TMED5: variants seen among roughly 807,000 people sequenced by gnomAD.
TMED5 encodes the protein transmembrane emp24 domain-containing protein 5.
TMED5 carries 27 observed loss-of-function variants against 23.0 expected under a neutral mutation model. That is an observed-to-expected ratio of 1.17 (90% CI 0.86 to 1.62). The LOEUF is 1.62. Among genes scored for constraint, TMED5 ranks in the 40% most tolerant of loss-of-function variants. The pLI is 0.00. For synonymous variants in TMED5, 97 were observed against 100.8 expected (o/e 0.96, Z 0.23); for missense variants, 248 against 273.7 (o/e 0.91, Z 0.66).
intron 1 of TMED5, among the ~76,000 whole-genome samples, chr1:93,179,386 CAAT>C (rs1265815076): frequency 2.4e-5 from 3 of 125,940 alleles, no homozygotes; most frequent in Admixed American, 2.4e-4. Flanking sequence ...AAAAAAAAAA[CAAT>C]GACACGAGGG....
At chr1:93,175,110 A>G (rs1283690377) in intron 1 of TMED5, among the ~76,000 whole-genome samples, 1 of 145,176 alleles carries the variant, frequency 6.9e-6, no homozygotes, top group Non-Finnish European at 1.5e-5. Context: ...AAATTATTAA[A>G]TATATTATTC....
At chr1:93,163,166 C>T (rs1648347297) in intron 1 of TMED5, 1 of 151,576 alleles carries the variant, frequency 6.6e-6, no homozygotes, top group African/African-American at 2.4e-5. Context: ...TCAAGGATAC[C>T]CTCCAAAAAC....
chr1:93,179,295 G>A (rs189995978), intron 1 of TMED5, among the ~76,000 whole-genome samples: 1 of 151,036 alleles, frequency 6.6e-6, no homozygotes, highest in Admixed American at 6.6e-5. Context: ...CCGGGAGGCG[G>A]AGGTTGCAAT....
At chr1:93,166,736 T>A (rs940641728) in intron 1 of TMED5, among the ~76,000 whole-genome samples, 1 of 152,212 alleles carries the variant, frequency 6.6e-6, no homozygotes, top group African/African-American at 2.4e-5. Flanking sequence ...GTTAACTGTT[T>A]CCTTTGCTGA....
In TMED5 at chr1:93,180,292, C is replaced by G; in HGVS notation, c.-50G>C. ...AAAGAGGCGTCAGGTACTGTTGTCTCCGCTCCGCGTTTCCTCTCTGGACTC... is the reference window on the plus strand; with the variant it reads ...AAAGAGGCGTCAGGTACTGTTGTCTGCGCTCCGCGTTTCCTCTCTGGACTC... On this transcript the variant is annotated 5_prime_UTR_variant, in exon 1 of 4. Coordinates refer to ENST00000370282, the MANE Select transcript of TMED5 (RefSeq NM_016040.5). The G allele has an allele frequency of 6.5e-7, 1 of 1,544,002 alleles. No individual in the cohort carries two copies. The highest frequency in any genetic ancestry group is 8.7e-7 in the Non-Finnish European group (1 of 1,149,608).
At chr1:93,158,606 C>CT (rs1464112632) in intron 2 of TMED5, among the ~76,000 whole-genome samples, 2 of 143,612 alleles carry the variant, frequency 1.4e-5, no homozygotes, top group African/African-American at 5.3e-5. Context: ...GATGGAGTCT[C>CT]TGTCGCCAGG....
At chr1:93,177,953 A>G (rs1648979202) in intron 1 of TMED5, among the ~76,000 whole-genome samples, 2 of 152,176 alleles carry the variant, frequency 1.3e-5, no homozygotes, top group South Asian at 2.1e-4. Context: ...GTTAAAATAG[A>G]TATCTTCCCT....
intron 2 of TMED5, among the ~76,000 whole-genome samples, chr1:93,159,483 A>G (rs1039827929): frequency 6.6e-6 from 1 of 152,220 alleles, no homozygotes; most frequent in African/African-American, 2.4e-5. Context: ...ATAGTAAGAT[A>G]ATAGAATGGA....
At chr1:93,156,254 C>A (rs773982169) in intron 3 of TMED5, 46 bp downstream of exon 3, 4 of 1,515,112 alleles carry the variant, frequency 2.6e-6, no homozygotes, top group African/African-American at 1.4e-5. Context: ...CATAGTAAGG[C>A]CTCTGGCTGT....
intron 1 of TMED5, among the ~76,000 whole-genome samples, chr1:93,179,568 C>G (rs1649182119): frequency 6.6e-6 from 1 of 152,170 alleles, no homozygotes; most frequent in African/African-American, 2.4e-5. Flanking sequence ...GCCAATTACA[C>G]GATCATAATC....
rs1647934673 is a variant in TMED5, at chr1:93,153,086, G to C, written c.*1584C>G. On this transcript the variant is annotated 3_prime_UTR_variant, in exon 4 of 4. Transcript: ENST00000370282. ...TCAAGAATTCCAGCATTACTAACCT[G>C]TTGAGGGGTTCTATACCCCAAATTT... 1 of 152,512 alleles carries C rather than the reference G, an allele frequency of 6.6e-6. No individual in the cohort carries two copies. Among genetic ancestry groups the C allele is most frequent in the African/African-American group, 2.4e-5 (1 of 41,430 alleles). The allele number at this position is 152,512 out of a possible 1,614,324, so 9.4% of individuals were successfully genotyped here. A position where few individuals can be genotyped will look rare whatever the true frequency, so the allele number is the denominator to read the frequency against.
intron 1 of TMED5, among the ~76,000 whole-genome samples, chr1:93,175,316 TACACAC>T (rs376330795): frequency 0.016 from 2,121 of 129,046 alleles, 26 homozygotes; most frequent in Non-Finnish European, 0.025. Context: ...TATATATATA[TACACAC>T]ACACACACAC....
rs552447063 is a variant in TMED5 at position 93,163,516 on chromosome 1, G to T, written c.190-3290C>A. Among the ~76,000 whole-genome samples, 3 of 151,680 alleles carry T rather than the reference G, an allele frequency of 2.0e-5. 1 individual carries two copies. Among genetic ancestry groups the T allele is most frequent in the Middle Eastern group, 6.9e-3 (2 of 290 alleles). ...TGCGCCACCATGCCCGGCTATTTTT[G>T]TATTTTGTAGAGATGGGGTTTCACC... On this transcript the variant is annotated intron_variant, in intron 1 of 3. Transcript: ENST00000370282.
At chr1:93,167,848 G>C (rs1648563794) in intron 1 of TMED5, among the ~76,000 whole-genome samples, 1 of 152,146 alleles carries the variant, frequency 6.6e-6, no homozygotes, top group African/African-American at 2.4e-5. Flanking sequence ...CAGAGGAAAG[G>C]CTATCAGTTT....
At chr1:93,163,662 T>C (rs565857421) in intron 1 of TMED5, among the ~76,000 whole-genome samples, 2 of 150,236 alleles carry the variant, frequency 1.3e-5, no homozygotes, top group Non-Finnish European at 3.0e-5. Flanking sequence ...ACTTTAAAAA[T>C]ACAAAATAAA....
chr1:93,158,168 T>G (rs1364309400), intron 2 of TMED5, among the ~76,000 whole-genome samples: 5 of 151,780 alleles, frequency 3.3e-5, no homozygotes, highest in Admixed American at 2.0e-4. Context: ...GTATAGTGAT[T>G]AATAGTGAGT....
chr1:93,160,008 T>C, intron 2 of TMED5, 121 bp downstream of exon 2: 1 of 596,576 alleles, frequency 1.7e-6, no homozygotes, highest in South Asian at 2.3e-5. Context: ...ATGAACTGTT[T>C]TAAATCATAT....
Position 93,150,595 on chromosome 1 carries a change from T to C in TMED5, c.*4075A>G, listed in dbSNP as rs1488684727. On this transcript the variant is annotated 3_prime_UTR_variant, in exon 4 of 4. Coordinates refer to ENST00000370282, the MANE Select transcript of TMED5 (RefSeq NM_016040.5). ...ACGTATGAGTGGTCCACTTATCCAA[T>C]TTCTCTTGCATCCTAGCAAAACAAC... The C allele has an allele frequency of 6.6e-6, 1 of 152,256 alleles. No homozygotes were observed. The highest frequency in any genetic ancestry group is 2.4e-5 in the African/African-American group (1 of 41,474). The allele number at this position is 152,256 out of a possible 1,614,324, so 9.4% of individuals were successfully genotyped here.
chr1:93,161,091 A>G (rs1039253269), intron 1 of TMED5: 10 of 152,180 alleles, frequency 6.6e-5, no homozygotes, highest in African/African-American at 1.9e-4. Flanking sequence ...ATGTCCTTCT[A>G]TGAAGATGAT....
Sources: allele counts gnomAD v4.1 joint callset (sites outside exome capture counted in the v4.1 genomes callset), GRCh38; gene constraint gnomAD v4.1.1; transcripts MANE v1.5; gene names NCBI Gene and HGNC (gene_info 2026-07-23, HGNC 2026-07-21).